The following COL25A1 variants were observed in gnomAD, a reference collection of about 807,000 sequenced individuals.
The protein encoded by COL25A1 is collagen type XXV alpha 1 chain, also known as collagen alpha-1(XXV) chain.
A neutral mutation model predicts 128.4 loss-of-function variants in COL25A1; 103 were observed. The observed-to-expected ratio is 0.80, with a 90% CI of 0.68 to 0.94. The LOEUF is 0.94. COL25A1 is among the 40% of genes least tolerant of loss of function. The pLI is 0.00. For synonymous variants in COL25A1, 279 were observed against 277.2 expected, an observed-to-expected ratio of 1.01 and a Z score of -0.06; for missense variants, 745 against 840.0, an observed-to-expected ratio of 0.89 and a Z score of 1.40.
At chr4:108,817,721 A>G (rs141436253) in intron 36 of COL25A1, among the ~76,000 whole-genome samples, 1 of 152,342 alleles carries the variant, frequency 6.6e-6, no homozygotes, top group East Asian at 1.9e-4. Context: ...CTCTATTCAT[A>G]TCTATATTTT....
intron 3 of COL25A1, among the ~76,000 whole-genome samples, chr4:109,226,913 G>A (rs946979259): frequency 6.6e-6 from 1 of 152,112 alleles, no homozygotes; most frequent in Non-Finnish European, 1.5e-5. Context: ...GTTGTGAGTA[G>A]ATGAACCAGA....
chr4:109,294,429 T>A (rs888767894), intron 3 of COL25A1, among the ~76,000 whole-genome samples: 2 of 152,138 alleles, frequency 1.3e-5, no homozygotes, highest in African/African-American at 2.4e-5. Flanking sequence ...TAATATTTCT[T>A]AATTGCAAGA....
At position 109,070,644 on chromosome 4, in the gene COL25A1, G is replaced by A. The variant is rs185757176; in HGVS notation, c.368-20465C>T. The stretch of plus-strand genomic sequence containing the variant: ...GTTGGTGTGCTGCACCCATTAACTC[G>A]TCATTTACATTAGGTATAACTCCTA... On this transcript the variant is annotated intron_variant, in intron 3 of 37. Transcript: ENST00000399132. 8.6e-3 allele frequency among the ~76,000 whole-genome samples: 1,295 copies of A among 151,098 alleles called. 11 individuals carry two copies. Among genetic ancestry groups the A allele is most frequent in the Middle Eastern group, 0.028 (8 of 290 alleles).
intron 6 of COL25A1, among the ~76,000 whole-genome samples, chr4:108,982,039 C>T (rs995213263): frequency 6.6e-6 from 1 of 151,812 alleles, no homozygotes; most frequent in Non-Finnish European, 1.5e-5. Flanking sequence ...ACTAAAAATA[C>T]AAAAATTAGC....
intron 11 of COL25A1, 127 bp from the exon 12 acceptor site, chr4:108,920,731 A>C (rs1745404506): frequency 2.2e-6 from 1 of 463,006 alleles, no homozygotes; most frequent in Admixed American, 7.0e-5. Context: ...TTCATATATC[A>C]GGAAAAAAAA....
intron 3 of COL25A1, among the ~76,000 whole-genome samples, chr4:109,217,824 A>C (rs761133914): frequency 3.9e-5 from 6 of 152,216 alleles, no homozygotes; most frequent in Admixed American, 6.5e-5. Context: ...TTTAGTCAAT[A>C]ACAACAGGAA....
chr4:109,061,362 AAT>A (rs1420078499), intron 3 of COL25A1, among the ~76,000 whole-genome samples: 1 of 152,158 alleles, frequency 6.6e-6, no homozygotes, highest in Admixed American at 6.5e-5. Flanking sequence ...GTTCAATTTT[AAT>A]AGAGTTGTTA....
At chr4:108,988,601 G>C (rs971037642) in intron 6 of COL25A1, among the ~76,000 whole-genome samples, 1 of 152,080 alleles carries the variant, frequency 6.6e-6, no homozygotes, top group Non-Finnish European at 1.5e-5. Flanking sequence ...ATACATTTTT[G>C]GCTCCTGTTT....
chr4:109,265,344 A>G (rs1781715181), intron 3 of COL25A1, among the ~76,000 whole-genome samples: 1 of 152,216 alleles, frequency 6.6e-6, no homozygotes. Context: ...ACTGAAGGCC[A>G]AAGGACAATT....
intron 3 of COL25A1, among the ~76,000 whole-genome samples, chr4:109,294,627 A>G (rs1480016120): frequency 1.3e-5 from 2 of 152,070 alleles, no homozygotes; most frequent in African/African-American, 4.8e-5. Context: ...ATATTTAACC[A>G]TTGCACACTA....
chr4:109,170,161 A>C (rs1773453885), intron 3 of COL25A1, among the ~76,000 whole-genome samples: 1 of 152,166 alleles, frequency 6.6e-6, no homozygotes. Context: ...AAGCAAGGAG[A>C]AAATTAAACA....
intron 3 of COL25A1, among the ~76,000 whole-genome samples, chr4:109,113,998 C>T (rs1375965197): frequency 6.6e-6 from 1 of 152,008 alleles, no homozygotes; most frequent in African/African-American, 2.4e-5. Flanking sequence ...AGCTGAAGGT[C>T]TTGCATGTAA....
chr4:109,238,729 C>T (rs1779632429), intron 3 of COL25A1, among the ~76,000 whole-genome samples: 1 of 152,034 alleles, frequency 6.6e-6, no homozygotes, highest in Non-Finnish European at 1.5e-5. Context: ...TCTGCTTCTC[C>T]TTGGGACTAC....
rs539225712 is a variant in COL25A1, at chr4:108,991,122, G to A, written c.439-16563C>T. On this transcript the variant is annotated intron_variant, in intron 6 of 37. Transcript: ENST00000399132. ...AGATGCAGTAATGAGTAAATTCAGG[G>A]AGTGATAACAGCTTCCACAGATGCA... 5.9e-5 allele frequency among the ~76,000 whole-genome samples: 9 copies of A among 152,298 alleles called. 1 individual carries two copies. The East Asian group carries it at 1.7e-3, about 29-fold the overall frequency.
chr4:108,944,929 G>A lies in COL25A1; in HGVS notation c.493-3492C>T, dbSNP rs546366267. Among the ~76,000 whole-genome samples the A allele has an allele frequency of 2.0e-5, 3 of 152,262 alleles. No homozygotes were observed. In the South Asian group the frequency reaches 6.2e-4, roughly 32 times the overall value. ...AGATATCATTAGCATGCTAGGCAAG[G>A]AATTTTTCAGGAGTTTACGTGTAGC... On this transcript the variant is annotated intron_variant, in intron 8 of 37. Transcript: ENST00000399132.
At chr4:109,022,126 A>G in intron 5 of COL25A1, 1 of 452,296 alleles carries the variant, frequency 2.2e-6, no homozygotes, top group Non-Finnish European at 4.4e-6. Context: ...AATCCCTAAT[A>G]AAAACTTGCT....
intron 3 of COL25A1, among the ~76,000 whole-genome samples, chr4:109,299,261 G>A (rs1008479987): frequency 2.0e-4 from 31 of 152,164 alleles, no homozygotes; most frequent in African/African-American, 7.2e-4. Flanking sequence ...TGAGGTGGTT[G>A]AGTTAATTCC....
At chr4:109,299,201 G>T (rs1473795823) in intron 3 of COL25A1, among the ~76,000 whole-genome samples, 1 of 152,166 alleles carries the variant, frequency 6.6e-6, no homozygotes, top group South Asian at 2.1e-4. Context: ...TATGATCAGT[G>T]AAGTCCTGCA....
chr4:108,927,414 T>G (rs913591288), intron 11 of COL25A1, among the ~76,000 whole-genome samples: 1 of 152,192 alleles, frequency 6.6e-6, no homozygotes, highest in Non-Finnish European at 1.5e-5. Flanking sequence ...AATTTAAAAA[T>G]TATTAAATTA....
Sources: gnomAD v4.1 joint callset for allele counts (sites outside exome capture counted in the v4.1 genomes callset) on GRCh38, gnomAD v4.1.1 for gene constraint, MANE v1.5 for transcripts, NCBI Gene and HGNC (gene_info 2026-07-23, HGNC 2026-07-21) for gene names.